DLC1: variants seen among roughly 807,000 people sequenced by gnomAD.
DLC1 encodes rho GTPase-activating protein 7.
A neutral mutation model predicts 140.3 loss-of-function variants in DLC1; 54 were observed. That is an observed-to-expected ratio of 0.38 (90% CI 0.31 to 0.48). The LOEUF (loss-of-function observed/expected upper bound fraction) is 0.48. DLC1 is among the 20% of genes least tolerant of loss of function. The pLI is 0.96. For missense variants in DLC1, 2,536 were observed against 1,907.0 expected, an observed-to-expected ratio of 1.33 and a Z score of -6.14; for synonymous variants, 986 against 728.1, an observed-to-expected ratio of 1.35 and a Z score of -5.70.
intron 1 of DLC1, among the ~76,000 whole-genome samples, chr8:13,594,897 T>C (rs1370339414): frequency 2.0e-5 from 3 of 152,026 alleles, no homozygotes; most frequent in Non-Finnish European, 4.4e-5. Flanking sequence ...CACCGTCCCT[T>C]TCAGGTTTTG....
At chr8:13,425,312 T>G (rs370730) in intron 2 of DLC1, among the ~76,000 whole-genome samples, 1 of 151,778 alleles carries the variant, frequency 6.6e-6, no homozygotes, top group African/African-American at 2.4e-5. Flanking sequence ...GGAGGGTTAG[T>G]TGCATATCAA....
In DLC1 at chr8:13,499,443, G is replaced by T. The variant is rs1416550346; in HGVS notation, c.629C>A (p.Ala210Glu). 6.2e-7 allele frequency: 1 copy of T among 1,613,988 alleles called. No homozygotes were observed. The highest frequency in any genetic ancestry group is 8.5e-7 in the Non-Finnish European group (1 of 1,179,984). ...SEIKDAPKVNAVDTLNVKDIA... is the reference protein window; with the variant it reads ...SEIKDAPKVNEVDTLNVKDIA... ...ATCTTTCACGTTCAAAGTATCCACT[G>T]CATTTACTTTGGGTGCATCTTTTAT... The change falls in exon 2 of 18, where the codon GCA becomes GAA. Residue 210 changes from alanine (A) to glutamate (E), a missense_variant. Ala to Glu is a moderately radical substitution (Grantham distance 107, BLOSUM62 -1). Coordinates refer to ENST00000276297, the MANE Select transcript of DLC1 (RefSeq NM_182643.3).
chr8:13,395,759 G>A (rs1374514182), intron 3 of DLC1, among the ~76,000 whole-genome samples: 1 of 136,234 alleles, frequency 7.3e-6, no homozygotes, highest in Non-Finnish European at 1.6e-5. Flanking sequence ...ATGTGTGTGT[G>A]TGCGTGTGCG....
intron 5 of DLC1, among the ~76,000 whole-genome samples, chr8:13,159,188 G>A (rs1385234018): frequency 1.9e-4 from 29 of 152,174 alleles, no homozygotes; most frequent in Admixed American, 1.9e-3. Context: ...AGGAGCCCAA[G>A]AAACTGTAAG....
chr8:13,567,141 C>G (rs747398781), intron 1 of DLC1: 3 of 1,551,770 alleles, frequency 1.9e-6, no homozygotes, highest in South Asian at 2.4e-5. Context: ...CGCCCCTGAC[C>G]TCTGGGAGCA....
chr8:13,486,119 T>A (rs1453067271), intron 2 of DLC1, among the ~76,000 whole-genome samples: 2 of 152,206 alleles, frequency 1.3e-5, no homozygotes, highest in East Asian at 1.9e-4. Context: ...AGAGATCACA[T>A]TTATGATAAA....
At chr8:13,193,961 T>C (rs1340646375) in intron 5 of DLC1, among the ~76,000 whole-genome samples, 1 of 152,206 alleles carries the variant, frequency 6.6e-6, no homozygotes, top group Non-Finnish European at 1.5e-5. Flanking sequence ...CATAAAACTG[T>C]GCTTCTTTAT....
chr8:13,090,886 C>T (rs567681196), intron 14 of DLC1, among the ~76,000 whole-genome samples: 1 of 151,306 alleles, frequency 6.6e-6, no homozygotes, highest in South Asian at 2.1e-4. Context: ...TCATTGCAAC[C>T]TCCACATCCC....
At chr8:13,250,730 C>T (rs1454044578) in intron 5 of DLC1, among the ~76,000 whole-genome samples, 1 of 150,496 alleles carries the variant, frequency 6.6e-6, no homozygotes, top group Non-Finnish European at 1.5e-5. Flanking sequence ...TGTATTTAAG[C>T]AGAGTGGAAG....
chr8:13,461,250 A>T (rs944707640), intron 2 of DLC1, among the ~76,000 whole-genome samples: 9 of 152,344 alleles, frequency 5.9e-5, no homozygotes, highest in African/African-American at 2.2e-4. Flanking sequence ...ATAACATGAT[A>T]ATGAGGGAAG....
At chr8:13,113,271 A>T (rs1381684797) in intron 6 of DLC1, among the ~76,000 whole-genome samples, 4 of 152,174 alleles carry the variant, frequency 2.6e-5, no homozygotes, top group Non-Finnish European at 4.4e-5. Flanking sequence ...TACGCAAATC[A>T]AGCTTAACAG....
intron 2 of DLC1, among the ~76,000 whole-genome samples, chr8:13,441,845 A>G (rs946494017): frequency 3.4e-4 from 52 of 152,326 alleles, no homozygotes; most frequent in African/African-American, 1.3e-3. Flanking sequence ...TCTTCACAGA[A>G]TTGGAAAAAA....
At chr8:13,590,021 G>C (rs931273140) in intron 1 of DLC1, among the ~76,000 whole-genome samples, 2 of 150,038 alleles carry the variant, frequency 1.3e-5, no homozygotes, top group African/African-American at 4.9e-5. Flanking sequence ...ATTTTAAAAT[G>C]TTATGGAAAA....
At chr8:13,278,826 C>T (rs1478392793) in intron 5 of DLC1, among the ~76,000 whole-genome samples, 5 of 152,116 alleles carry the variant, frequency 3.3e-5, no homozygotes, top group African/African-American at 4.8e-5. Flanking sequence ...ATGATAAAGT[C>T]GTCTAGTGTT....
At chr8:13,505,738 C>T (rs1802028823) in intron 1 of DLC1, among the ~76,000 whole-genome samples, 1 of 152,142 alleles carries the variant, frequency 6.6e-6, no homozygotes, top group African/African-American at 2.4e-5. Flanking sequence ...CTATGAGATT[C>T]TTAGGTCAGT....
intron 5 of DLC1, among the ~76,000 whole-genome samples, chr8:13,215,543 G>A (rs189968472): frequency 3.3e-5 from 5 of 152,212 alleles, no homozygotes; most frequent in East Asian, 1.9e-4. Flanking sequence ...CCAAGATCAC[G>A]CCACTGCACT....
intron 2 of DLC1, among the ~76,000 whole-genome samples, chr8:13,459,808 A>T (rs1263101148): frequency 6.6e-6 from 1 of 152,206 alleles, no homozygotes; most frequent in African/African-American, 2.4e-5. Context: ...GCATAATAAA[A>T]CTTGAAGAAT....
chr8:13,214,707 C>T (rs765576926), intron 5 of DLC1: 12 of 780,776 alleles, frequency 1.5e-5, no homozygotes, highest in Middle Eastern at 2.2e-4. Flanking sequence ...TTGCCACTTC[C>T]GAGTTGGAAA....
chr8:13,279,084 C>A (rs543055714), intron 5 of DLC1, among the ~76,000 whole-genome samples: 1 of 152,304 alleles, frequency 6.6e-6, no homozygotes, highest in East Asian at 1.9e-4. Context: ...TCAGTCGATA[C>A]TAAGCTATGA....
Sources: allele counts gnomAD v4.1 joint callset (sites outside exome capture counted in the v4.1 genomes callset), GRCh38; gene constraint gnomAD v4.1.1; transcripts MANE v1.5; gene names NCBI Gene and HGNC (gene_info 2026-07-23, HGNC 2026-07-21).